SHISA6: variants seen among roughly 807,000 people sequenced by gnomAD.
The protein encoded by SHISA6 is shisa family member 6.
Under a neutral mutation model 47.9 loss-of-function variants are expected in SHISA6, and 22 were observed. The ratio of observed to expected loss-of-function variants is 0.46; its 90% CI spans 0.33 to 0.66. The LOEUF is 0.66. SHISA6 is among the 30% of genes least tolerant of loss of function. SHISA6 has a pLI of 0.02. For synonymous variants in SHISA6, 388 were observed against 337.8 expected, an observed-to-expected ratio of 1.15 and a Z score of -1.63; for missense variants, 680 against 764.6, an observed-to-expected ratio of 0.89 and a Z score of 1.30.
intron 3 of SHISA6, among the ~76,000 whole-genome samples, chr17:11,422,124 T>C (rs1237097096): frequency 6.6e-6 from 1 of 152,140 alleles, no homozygotes; most frequent in Non-Finnish European, 1.5e-5. Context: ...GATCCCAGGA[T>C]AGTAAGGCTA....
chr17:11,476,208 A>G (rs1916047306), intron 3 of SHISA6, among the ~76,000 whole-genome samples: 2 of 151,874 alleles, frequency 1.3e-5, no homozygotes, highest in African/African-American at 2.4e-5. Flanking sequence ...AGGCTTATCA[A>G]TTTCATGTAT....
intron 3 of SHISA6, 72 bp from the exon 4 acceptor site, chr17:11,551,824 G>C: frequency 1.5e-6 from 2 of 1,293,658 alleles, no homozygotes; most frequent in Non-Finnish European, 2.2e-6. Flanking sequence ...GGTAAAGAGA[G>C]ATGCTGTTAT....
chr17:11,260,325 C>A (rs193265145), intron 1 of SHISA6, among the ~76,000 whole-genome samples: 1 of 152,120 alleles, frequency 6.6e-6, no homozygotes, highest in African/African-American at 2.4e-5. Flanking sequence ...AAAAAGGGCT[C>A]GCTGTGGGTG....
intron 3 of SHISA6, among the ~76,000 whole-genome samples, chr17:11,529,683 T>G (rs987405010): frequency 6.6e-6 from 1 of 152,130 alleles, no homozygotes; most frequent in African/African-American, 2.4e-5. Context: ...ACTGATAAAG[T>G]TGACTATATT....
chr17:11,514,122 G>A (rs1158412760), intron 3 of SHISA6, among the ~76,000 whole-genome samples: 2 of 152,114 alleles, frequency 1.3e-5, no homozygotes, highest in Non-Finnish European at 2.9e-5. Context: ...GTGGCCGACT[G>A]GCACCCTCTC....
At chr17:11,459,637 AGGT>A in intron 3 of SHISA6, among the ~76,000 whole-genome samples, 1 of 152,326 alleles carries the variant, frequency 6.6e-6, no homozygotes, top group East Asian at 1.9e-4. Context: ...GGTTCTGTGA[AGGT>A]CCACACTCCC....
At chr17:11,534,952 A>AC (rs2071772675) in intron 3 of SHISA6, among the ~76,000 whole-genome samples, 1 of 151,954 alleles carries the variant, frequency 6.6e-6, no homozygotes, top group Non-Finnish European at 1.5e-5. Context: ...ACATGGTGAA[A>AC]CCCCATCTCT....
In SHISA6 at chr17:11,379,371, G is replaced by A. The variant is rs1268895540; in HGVS notation, c.800-43G>A. ...GCAGCTGCGCTTGTCTTCCATGTTG[G>A]TGTCGTGGATGCGCCAGGTAATTCT... On this transcript the variant is annotated intron_variant, in intron 2 of 5. Coordinates refer to ENST00000441885, the MANE Select transcript of SHISA6 (RefSeq NM_207386.4). 3.6e-6 allele frequency: 5 copies of A among 1,373,652 alleles called. No homozygotes were observed. The African/African-American group carries it at 7.3e-5, about 20-fold the overall frequency. 85.1% of individuals were successfully genotyped at this position (1,373,652 alleles called of 1,614,324 possible).
At chr17:11,299,666 G>T (rs548003291) in intron 2 of SHISA6, among the ~76,000 whole-genome samples, 1 of 152,004 alleles carries the variant, frequency 6.6e-6, no homozygotes, top group African/African-American at 2.4e-5. Context: ...GTCCTTTCCT[G>T]CATCTTCAAA....
At chr17:11,540,737 A>G (rs1266507827) in intron 3 of SHISA6, among the ~76,000 whole-genome samples, 2 of 152,212 alleles carry the variant, frequency 1.3e-5, no homozygotes, top group Non-Finnish European at 2.9e-5. Context: ...TTTAACATGC[A>G]TGGTAAATGT....
Position 11,295,001 on chromosome 17 carries a change from A to C in SHISA6, c.799+31475A>C, listed in dbSNP as rs574921689. ...GCACACTAGGATAGCGCGGCAGTCG[A>C]TCTGATAACCAAGACAGCTACTAAA... On this transcript the variant is annotated intron_variant, in intron 2 of 5. Coordinates refer to ENST00000441885, the MANE Select transcript of SHISA6 (RefSeq NM_207386.4). 2.6e-5 allele frequency among the ~76,000 whole-genome samples: 4 copies of C among 152,318 alleles called. No individual in the cohort carries two copies. The South Asian group carries it at 8.3e-4, about 32-fold the overall frequency.
At chr17:11,288,453 T>C (rs1232778964) in intron 2 of SHISA6, 2 of 152,286 alleles carry the variant, frequency 1.3e-5, no homozygotes, top group South Asian at 2.1e-4. Flanking sequence ...TTTTTCCTCC[T>C]TCTCTCACTA....
chr17:11,321,277 G>GT (rs754688071), intron 2 of SHISA6, among the ~76,000 whole-genome samples: 20 of 152,288 alleles, frequency 1.3e-4, no homozygotes, highest in Admixed American at 3.9e-4. Flanking sequence ...GGAAGTTTCT[G>GT]TTCATACCTC....
chr17:11,320,461 C>T (rs1049687892), intron 2 of SHISA6, among the ~76,000 whole-genome samples: 1 of 152,012 alleles, frequency 6.6e-6, no homozygotes, highest in African/African-American at 2.4e-5. Context: ...AGTTCAAGAC[C>T]AGCCTGGCTA....
At position 11,563,549 on chromosome 17, in the gene SHISA6, C is replaced by T. The variant is rs72809083; in HGVS notation, c.*5245C>T. ...CTCTCCCTCCTGAGGGAGGAGAAGA[C>T]CCTGCTCAACTTTGCTGCCCACCCT... On this transcript the variant is annotated 3_prime_UTR_variant, in exon 6 of 6. Transcript: ENST00000441885. 12,301 of 152,214 alleles carry T rather than the reference C, an allele frequency of 0.081. 616 individuals carry two copies. Among genetic ancestry groups the T allele is most frequent in the Middle Eastern group, 0.11 (33 of 294 alleles). The allele number at this position is 152,214 out of a possible 1,614,324, so 9.4% of individuals were successfully genotyped here.
intron 2 of SHISA6, among the ~76,000 whole-genome samples, chr17:11,269,790 A>G (rs1362992200): frequency 6.6e-6 from 1 of 152,146 alleles, no homozygotes; most frequent in Non-Finnish European, 1.5e-5. Flanking sequence ...CTGTGAGGAA[A>G]CTGAGGCACA....
intron 2 of SHISA6, among the ~76,000 whole-genome samples, chr17:11,270,804 A>T (rs1908614114): frequency 6.6e-6 from 1 of 152,190 alleles, no homozygotes; most frequent in South Asian, 2.1e-4. Context: ...TCCACGTGGA[A>T]TGTGACTAGA....
intron 2 of SHISA6, among the ~76,000 whole-genome samples, chr17:11,271,601 C>CTTTTTTTTTTTTTT (rs770845288): frequency 2.0e-5 from 2 of 99,736 alleles, no homozygotes; most frequent in Admixed American, 9.9e-5. Flanking sequence ...CCACGCCTGG[C>CTTTTTTTTTTTTTT]TTTTTTTTTT....
chr17:11,301,328 A>G (rs1002904012), intron 2 of SHISA6, among the ~76,000 whole-genome samples: 4 of 152,120 alleles, frequency 2.6e-5, no homozygotes, highest in African/African-American at 9.7e-5. Flanking sequence ...CAAATTCCCC[A>G]GGTGGGTAAA....
Sources: gnomAD v4.1 joint callset for allele counts (sites outside exome capture counted in the v4.1 genomes callset) on GRCh38, gnomAD v4.1.1 for gene constraint, MANE v1.5 for transcripts, NCBI Gene and HGNC (gene_info 2026-07-23, HGNC 2026-07-21) for gene names.